DMD: variants seen among roughly 807,000 people sequenced by gnomAD.
The protein encoded by DMD is mutant dystrophin.
DMD carries 63 observed loss-of-function variants against 330.1 expected under a neutral mutation model. The ratio of observed to expected loss-of-function variants is 0.19; its 90% confidence interval spans 0.16 to 0.24. DMD has a LOEUF of 0.24. DMD is among the 10% of genes least tolerant of loss of function. The pLI is 1.00. For synonymous variants in DMD, 1,223 were observed against 959.8 expected (o/e 1.27, Z -5.07); for missense variants, 3,344 against 2,684.1 (o/e 1.25, Z -5.43).
At chrX:32,730,099 G>A (rs1286117634) in intron 7 of DMD, among the ~76,000 whole-genome samples, 1 of 112,129 alleles carries the variant, frequency 8.9e-6, no homozygotes, top group Non-Finnish European at 1.9e-5. Flanking sequence ...TTCGGAGGCT[G>A]AGGCAGGAGG....
At chrX:32,833,208 C>T (rs2079298664) in intron 4 of DMD, among the ~76,000 whole-genome samples, 1 of 111,264 alleles carries the variant, frequency 9.0e-6, no homozygotes, top group Non-Finnish European at 1.9e-5. Context: ...CACTCTGATA[C>T]ATTGCAGGAG....
chrX:32,071,275 C>G (rs1240696257), intron 44 of DMD, among the ~76,000 whole-genome samples: 2 of 109,897 alleles, frequency 1.8e-5, no homozygotes, highest in African/African-American at 6.6e-5. Context: ...GTTTACAGTC[C>G]CACCAACAGT....
chrX:31,748,708 C>T (rs756096390), intron 51 of DMD, among the ~76,000 whole-genome samples: 25 of 111,697 alleles, frequency 2.2e-4, no homozygotes, highest in African/African-American at 5.8e-4. Context: ...ATAGGAAAAG[C>T]ACAATATATA....
intron 7 of DMD, among the ~76,000 whole-genome samples, chrX:32,787,230 G>GTA (rs1444203479): frequency 2.0e-5 from 2 of 100,170 alleles, no homozygotes; most frequent in Non-Finnish European, 4.1e-5. Context: ...GTGTGTGTGT[G>GTA]TGTGTGTGTG....
intron 17 of DMD, among the ~76,000 whole-genome samples, chrX:32,522,269 A>C (rs1298461410): frequency 3.6e-5 from 4 of 111,934 alleles, no homozygotes; most frequent in Non-Finnish European, 7.5e-5. Context: ...AATGTGACCA[A>C]AAATACCGCA....
At chrX:32,429,168 A>G (rs2148101041) in intron 29 of DMD, among the ~76,000 whole-genome samples, 1 of 105,918 alleles carries the variant, frequency 9.4e-6, no homozygotes, top group African/African-American at 3.4e-5. Flanking sequence ...AAATAGTTCT[A>G]GGACTACAGA....
At chrX:33,107,373 A>G (rs2148410294) in intron 1 of DMD, among the ~76,000 whole-genome samples, 1 of 102,279 alleles carries the variant, frequency 9.8e-6, no homozygotes, top group African/African-American at 3.5e-5. Context: ...AAGTTTGTGT[A>G]TAATACATGC....
chrX:32,297,675 T>C (rs1357472329), intron 42 of DMD, among the ~76,000 whole-genome samples: 1 of 111,384 alleles, frequency 9.0e-6, no homozygotes, highest in Non-Finnish European at 1.9e-5. Context: ...AGTAAACAAA[T>C]AGAGAAATGA....
chrX:31,776,498 C>T lies in DMD; in HGVS notation c.7310-2306G>A, dbSNP rs186927494. The stretch of plus-strand genomic sequence containing the variant: ...TTTCAATAAAGTGAAGGATGAGGAA[C>T]TAGAGAATTATCAGACTTCAACAAG... On this transcript the variant is annotated intron_variant, in intron 50 of 78. Transcript: ENST00000357033. 1.3e-4 allele frequency among the ~76,000 whole-genome samples: 14 copies of T among 104,835 alleles called. No individual in the cohort carries two copies. In the Admixed American group the frequency reaches 1.4e-3, roughly 10 times the overall value. 91.0% of individuals were successfully genotyped at this position (104,835 alleles called of 115,157 possible). A position where few individuals can be genotyped will look rare whatever the true frequency, so the allele number is the denominator to read the frequency against.
chrX:31,716,826 TACAC>T (rs3032284), intron 52 of DMD, among the ~76,000 whole-genome samples: 2,779 of 96,419 alleles, frequency 0.029, 34 homozygotes, highest in Middle Eastern at 0.058. Flanking sequence ...TATATAAGAA[TACAC>T]ACACACACAC....
At chrX:32,608,948 C>A (rs780278494) in intron 12 of DMD, among the ~76,000 whole-genome samples, 1 of 110,878 alleles carries the variant, frequency 9.0e-6, no homozygotes, top group South Asian at 3.7e-4. Context: ...AGTTTGCTAA[C>A]CACTAAAAGC....
At chrX:32,589,834 G>A (rs973300025) in intron 13 of DMD, among the ~76,000 whole-genome samples, 2 of 111,079 alleles carry the variant, frequency 1.8e-5, no homozygotes, top group Non-Finnish European at 3.8e-5. Context: ...CTCCTACAGG[G>A]GCACACTTTA....
chrX:31,351,133 T>C (rs1248829988), intron 60 of DMD, among the ~76,000 whole-genome samples: 2 of 102,990 alleles, frequency 1.9e-5, no homozygotes, highest in African/African-American at 7.4e-5. Flanking sequence ...ATTTTATATA[T>C]TCACACACAC....
At chrX:32,847,877 ATT>A (rs1467426389) in intron 3 of DMD, among the ~76,000 whole-genome samples, 2 of 111,999 alleles carry the variant, frequency 1.8e-5, no homozygotes, top group African/African-American at 6.5e-5. Flanking sequence ...GGATTTTTTA[ATT>A]TTGCCGAAAT....
intron 44 of DMD, among the ~76,000 whole-genome samples, chrX:32,214,224 T>TAAAAAAA: frequency 1.1e-5 from 1 of 89,003 alleles, no homozygotes. Context: ...CTGAAACACT[T>TAAAAAAA]AAAAAAAAAA....
At chrX:32,657,996 A>C (rs897243147) in intron 9 of DMD, among the ~76,000 whole-genome samples, 1 of 111,618 alleles carries the variant, frequency 9.0e-6, no homozygotes, top group Admixed American at 9.6e-5. Context: ...CAAAATACAC[A>C]TATCTCGTGA....
At chrX:33,070,639 ATC>A (rs1291687487) in intron 1 of DMD, among the ~76,000 whole-genome samples, 47 of 21,405 alleles carry the variant, frequency 2.2e-3, no homozygotes, top group Admixed American at 4.3e-3. Flanking sequence ...GTATCTATCC[ATC>A]TCTCTCTCTC....
intron 50 of DMD, among the ~76,000 whole-genome samples, chrX:31,801,598 C>A (rs1284459046): frequency 2.2e-5 from 2 of 89,874 alleles, no homozygotes; most frequent in African/African-American, 8.1e-5. Flanking sequence ...CCCCAACACA[C>A]ACACAATAGT....
At chrX:33,188,557 C>A (rs888607831) in intron 1 of DMD, among the ~76,000 whole-genome samples, 4 of 110,870 alleles carry the variant, frequency 3.6e-5, no homozygotes, top group Non-Finnish European at 7.5e-5. Flanking sequence ...CCCAGGGAAC[C>A]AGTCGGGTCA....
Sources: gnomAD v4.1 joint callset for allele counts (sites outside exome capture counted in the v4.1 genomes callset) on GRCh38, gnomAD v4.1.1 for gene constraint, MANE v1.5 for transcripts, NCBI Gene and HGNC (gene_info 2026-07-23, HGNC 2026-07-21) for gene names.